Variants in LATS2 observed in about 807,000 individuals in gnomAD.
LATS2 encodes the protein large tumor suppressor kinase 2.
Under a neutral mutation model 76.0 loss-of-function variants are expected in LATS2, and 24 were observed. The observed-to-expected ratio is 0.32, with a 90% confidence interval of 0.23 to 0.44. The LOEUF (loss-of-function observed/expected upper bound fraction) is 0.44, where lower values mean the gene tolerates loss of function less well. Among genes scored for constraint, LATS2 ranks in the 20% least tolerant of loss-of-function variants. The probability of loss-of-function intolerance (pLI) is 1.00; values close to 1 mark genes in which losing one functional copy is unlikely to be tolerated. For synonymous variants in LATS2, 692 were observed against 635.4 expected, an observed-to-expected ratio of 1.09 and a Z score of -1.34; for missense variants, 1,286 against 1,481.2, an observed-to-expected ratio of 0.87 and a Z score of 2.16.
In LATS2 at chr13:20,988,046, AAC is replaced by A; in HGVS notation, c.1732_1733del (p.Val578SerfsTer25). 6.2e-7 allele frequency: 1 copy of A among 1,614,174 alleles called. No individual in the cohort carries two copies. Among genetic ancestry groups the A allele is most frequent in the Non-Finnish European group, 8.5e-7 (1 of 1,180,020 alleles). ...KDKKQIQTSP[V>X]PVRKNSRDEE... ...CGTCTCTGCTGTTTTTGCGGACGGG[AAC>A]GGGAGAGGTCTGAATCTGCTTTTTA... On this transcript the variant is annotated frameshift_variant, in exon 4 of 8. Coordinates refer to ENST00000382592, the MANE Select transcript of LATS2 (RefSeq NM_014572.3). LOFTEE classifies it high-confidence loss of function.
In LATS2 at chr13:21,018,818, G is replaced by GT. The variant is rs759819941; in HGVS notation, c.342+26866dup. 4.9e-4 allele frequency among the ~76,000 whole-genome samples: 75 copies of GT among 151,992 alleles called. 3 individuals carry two copies. The highest frequency in any genetic ancestry group is 7.4e-5 in the Non-Finnish European group (5 of 67,994). ...GCAGCACCATGCCCAGCTAATTTTT[G>GT]TATTTTTAGTAGAGAAAGGGTTTCA... On this transcript the variant is annotated intron_variant, in intron 2 of 7. Coordinates refer to ENST00000382592, the MANE Select transcript of LATS2 (RefSeq NM_014572.3).
At chr13:21,015,000 G>A (rs984673957) in intron 2 of LATS2, among the ~76,000 whole-genome samples, 1 of 152,196 alleles carries the variant, frequency 6.6e-6, no homozygotes, top group Non-Finnish European at 1.5e-5. Context: ...GGCCTAGTGC[G>A]CTCACCGCCG....
chr13:21,009,295 G>A (rs1049792278), intron 2 of LATS2, among the ~76,000 whole-genome samples: 4 of 152,162 alleles, frequency 2.6e-5, no homozygotes, highest in Admixed American at 1.3e-4. Context: ...CATTCAACCC[G>A]GAGCCTTGGA....
At chr13:21,059,634 A>G (rs1011845771) in intron 1 of LATS2, among the ~76,000 whole-genome samples, 13 of 149,588 alleles carry the variant, frequency 8.7e-5, no homozygotes, top group African/African-American at 3.0e-4. Flanking sequence ...ACTCATATCC[A>G]TCCTAGAGAA....
chr13:20,988,025 T>A lies in LATS2; in HGVS notation c.1755A>T (p.Arg585Ser). 1.2e-6 allele frequency: 2 copies of A among 1,614,276 alleles called. No individual in the cohort carries two copies. The highest frequency in any genetic ancestry group is 1.7e-6 in the Non-Finnish European group (2 of 1,180,042). The stretch of plus-strand genomic sequence containing the variant: ...TGCGTGACTCTCTCTTCTCTTCGTC[T>A]CTGCTGTTTTTGCGGACGGGAACGG... ...TSPVPVRKNS[R>S]DEEKRESRIK... Residue 585 changes from arginine (R) to serine (S), a missense_variant, in exon 4 of 8, where the codon AGA becomes AGT. Physicochemically the swap from Arg to Ser is moderately radical, Grantham distance 110. This residue lies in a region of LATS2 where 710 missense variants were observed against 660.9 expected (regional missense o/e 1.07). Transcript: ENST00000382592.
chr13:21,035,994 G>T (rs1203435809), intron 2 of LATS2, among the ~76,000 whole-genome samples: 1 of 152,222 alleles, frequency 6.6e-6, no homozygotes, highest in Non-Finnish European at 1.5e-5. Flanking sequence ...TGCTTCCCAG[G>T]TTCAAGTGAT....
chr13:21,004,889 AC>A (rs1871204713), intron 2 of LATS2, among the ~76,000 whole-genome samples: 1 of 152,228 alleles, frequency 6.6e-6, no homozygotes, highest in Non-Finnish European at 1.5e-5. Flanking sequence ...AAGTAATTAC[AC>A]AAAATCCACA....
intron 2 of LATS2, among the ~76,000 whole-genome samples, chr13:20,998,435 A>G (rs1207982676): frequency 1.3e-5 from 2 of 152,228 alleles, no homozygotes; most frequent in Non-Finnish European, 2.9e-5. Context: ...GAGAGGGGCC[A>G]GTTGGCTGGC....
rs530420148 is a variant in LATS2, at chr13:20,975,101, G to A, written c.3036C>T (p.Asn1012=). The A allele has an allele frequency of 6.8e-6, 11 of 1,614,104 alleles. No homozygotes were observed. The highest frequency in any genetic ancestry group is 3.3e-5 in the South Asian group (3 of 91,094). ...CCTTGGTGCTACCTTCGCTGGCATC[G>A]TTCCAAGGGCTTTCTTCATCTACGG... The part of the protein sequence containing the change: ...FDPVDEESPW[N]DASEGSTKAW... Residue 1012 remains asparagine (N), a synonymous_variant, in exon 8 of 8, where the codon AAC becomes AAT. Coordinates refer to ENST00000382592, the MANE Select transcript of LATS2 (RefSeq NM_014572.3).
rs536317178 is a variant in LATS2, at chr13:21,006,904, A to C, written c.343-15500T>G. On this transcript the variant is annotated intron_variant, in intron 2 of 7. Transcript: ENST00000382592. ...AGTGCCCAGGGAAAGGGACATTTGG[A>C]TGCAGACTGAACAGAGCTTGCTTCC... 3.3e-5 allele frequency among the ~76,000 whole-genome samples: 5 copies of C among 152,316 alleles called. No homozygotes were observed. The East Asian group carries it at 9.7e-4, about 29-fold the overall frequency.
intron 2 of LATS2, among the ~76,000 whole-genome samples, chr13:21,012,667 GGT>G (rs772125060): frequency 1.2e-4 from 19 of 152,198 alleles, no homozygotes; most frequent in Admixed American, 2.0e-4. Context: ...AAACAAGTAT[GGT>G]ATAAGCGCTT....
rs1298489373 is a variant in LATS2, at chr13:20,983,391, A to G, written c.2315T>C (p.Ile772Thr). Reference sequence around the variant, plus strand: ...CTCAATGGCCAAAGTCAGCTCTGCGATGTAGAACCGGGCCAGGTGCTCAGG... The same window carrying G: ...CTCAATGGCCAAAGTCAGCTCTGCGGTGTAGAACCGGGCCAGGTGCTCAGG... ...VFPEHLARFY[I>T]AELTLAIESV... is the part of the protein sequence containing the mutation. The change falls in exon 5 of 8, where the codon ATC becomes ACC. Residue 772 changes from isoleucine (I) to threonine (T), a missense_variant. Physicochemically the swap from Ile to Thr is moderately conservative, Grantham distance 89. Transcript: ENST00000382592. The G allele has an allele frequency of 6.2e-7, 1 of 1,614,002 alleles. No homozygotes were observed. The highest frequency in any genetic ancestry group is 8.5e-7 in the Non-Finnish European group (1 of 1,180,034).
In LATS2 at chr13:20,989,243, C is replaced by T. The variant is rs1408711910; in HGVS notation, c.537G>A (p.Ser179=). 5 of 1,613,864 alleles carry T rather than the reference C, an allele frequency of 3.1e-6. No individual in the cohort carries two copies. The highest frequency in any genetic ancestry group is 2.2e-5 in the South Asian group (2 of 91,094). ...RRPSFEGTGD[S]FASYHQLSGT... ...CGCTCAGCTGGTGGTAGGACGCAAA[C>T]GAATCGCCGGTTCCTTCGAAGCTGG... The change falls in exon 4 of 8, where the codon TCG becomes TCA. Residue 179 remains serine (S), a synonymous_variant. Coordinates refer to ENST00000382592, the MANE Select transcript of LATS2 (RefSeq NM_014572.3).
intron 2 of LATS2, among the ~76,000 whole-genome samples, chr13:21,044,689 GGTGT>G (rs71090554): frequency 0.1 from 13,939 of 137,468 alleles, 758 homozygotes; most frequent in Non-Finnish European, 0.12. Context: ...GAGGTGTAGG[GGTGT>G]GTGTGTGTGT....
chr13:20,989,026 G>T lies in LATS2; in HGVS notation c.754C>A (p.His252Asn). ...ACCAGCAGGTGCGGCCGCCCGTAGT[G>T]CGCGCCCTGCAGCGGGAAGTGTGCC... ...AGAHFPLQGA[H>N]YGRPHLLVPG... is the part of the protein sequence containing the mutation. The change falls in exon 4 of 8, where the codon CAC (histidine) becomes AAC (asparagine). Residue 252 changes from histidine to asparagine, a missense_variant. Around this residue, in one of 5 missense-constraint regions of LATS2, gnomAD observed 710 missense variants for 660.9 expected, o/e 1.07. Transcript: ENST00000382592. 1 of 1,558,302 alleles carries T rather than the reference G, an allele frequency of 6.4e-7. No homozygotes were observed. The highest frequency in any genetic ancestry group is 8.6e-7 in the Non-Finnish European group (1 of 1,158,408).
chr13:20,975,783 A>C (rs1869594310), intron 7 of LATS2, among the ~76,000 whole-genome samples: 1 of 152,114 alleles, frequency 6.6e-6, no homozygotes, highest in African/African-American at 2.4e-5. Context: ...TCCTGGGTTC[A>C]AGCGATTCTC....
intron 2 of LATS2, among the ~76,000 whole-genome samples, chr13:21,025,604 G>A (rs754654769): frequency 9.9e-5 from 15 of 152,136 alleles, no homozygotes; most frequent in Non-Finnish European, 1.6e-4. Context: ...GACACGTGAG[G>A]TAGTATGCTA....
chr13:21,003,517 T>G (rs957967169), intron 2 of LATS2, among the ~76,000 whole-genome samples: 1 of 151,860 alleles, frequency 6.6e-6, no homozygotes. Flanking sequence ...CTTGGCTCAA[T>G]GCAACTTCCA....
At chr13:20,989,503 G>C (rs7317623) in intron 3 of LATS2, among the ~76,000 whole-genome samples, 199 bp from the exon 4 acceptor site, 7,487 of 152,260 alleles carry the variant, frequency 0.049, 250 homozygotes, top group African/African-American at 0.086. Flanking sequence ...GCCCTAATGT[G>C]TTAGCAGAGT....
Sources: allele counts gnomAD v4.1 joint callset (sites outside exome capture counted in the v4.1 genomes callset), GRCh38; gene constraint gnomAD v4.1.1; regional missense constraint gnomAD v4.1.1; transcripts MANE v1.5; gene names NCBI Gene and HGNC (gene_info 2026-07-23, HGNC 2026-07-21).